CYP2C18: variants seen among roughly 807,000 people sequenced by gnomAD.
The protein encoded by CYP2C18 is cytochrome P450 2C18.
Under a neutral mutation model 41.3 loss-of-function variants are expected in CYP2C18, and 38 were observed. That is an observed-to-expected ratio of 0.92 (90% CI 0.71 to 1.21). The LOEUF is 1.21. Ranked by LOEUF, CYP2C18 falls within the 50% of genes most tolerant of loss-of-function variation. The pLI is 0.00. For synonymous variants in CYP2C18, 236 were observed against 210.0 expected, an observed-to-expected ratio of 1.12 and a Z score of -1.07; for missense variants, 635 against 591.4, an observed-to-expected ratio of 1.07 and a Z score of -0.77.
chr10:94,696,233 G>C (rs1347524283), intron 4 of CYP2C18, among the ~76,000 whole-genome samples: 1 of 152,182 alleles, frequency 6.6e-6, no homozygotes, highest in Non-Finnish European at 1.5e-5. Context: ...GCACACCCCA[G>C]TAGGGGCAGA....
intron 5 of CYP2C18, among the ~76,000 whole-genome samples, chr10:94,709,083 A>G (rs958541299): frequency 5.9e-5 from 9 of 152,170 alleles, no homozygotes; most frequent in African/African-American, 1.9e-4. Context: ...TTGGGTATAT[A>G]CTTGGCTGCA....
chr10:94,729,877 A>C (rs573498881), intron 7 of CYP2C18, among the ~76,000 whole-genome samples: 1 of 152,292 alleles, frequency 6.6e-6, no homozygotes, highest in East Asian at 1.9e-4. Context: ...GCTTCTAAAA[A>C]AACTTTGGTA....
intron 7 of CYP2C18, among the ~76,000 whole-genome samples, 188 bp from the exon 8 acceptor site, chr10:94,733,109 G>A (rs1289932434): frequency 6.6e-6 from 1 of 152,050 alleles, no homozygotes; most frequent in Non-Finnish European, 1.5e-5. Context: ...GGGGACTTCA[G>A]CAAAGTCACT....
intron 8 of CYP2C18, among the ~76,000 whole-genome samples, chr10:94,734,613 A>G (rs1310894723): frequency 6.6e-6 from 1 of 152,158 alleles, no homozygotes; most frequent in Non-Finnish European, 1.5e-5. Context: ...TGTGACAGCA[A>G]GAGATAAAGC....
chr10:94,733,697 C>A, intron 8 of CYP2C18: 1 of 606,210 alleles, frequency 1.6e-6, no homozygotes, highest in Non-Finnish European at 2.1e-6. Context: ...CCTCTAGATA[C>A]ATCACTGAGC....
chr10:94,701,873 A>G (rs1251125527), intron 4 of CYP2C18, among the ~76,000 whole-genome samples: 1 of 152,222 alleles, frequency 6.6e-6, no homozygotes, highest in Non-Finnish European at 1.5e-5. Flanking sequence ...TATAGCTTAG[A>G]GAGTGTCTTC....
chr10:94,684,198 G>A (rs1326768388), intron 1 of CYP2C18, among the ~76,000 whole-genome samples: 1 of 152,090 alleles, frequency 6.6e-6, no homozygotes, highest in East Asian at 1.9e-4. Flanking sequence ...TCTTTGTAGT[G>A]AGAACATTTA....
At chr10:94,724,758 A>AG (rs556486959) in intron 7 of CYP2C18, among the ~76,000 whole-genome samples, 2 of 127,798 alleles carry the variant, frequency 1.6e-5, no homozygotes, top group African/African-American at 5.7e-5. Flanking sequence ...CTTCTTTAGT[A>AG]TTTTTTTTTT....
chr10:94,727,013 C>T (rs901885261), intron 7 of CYP2C18, among the ~76,000 whole-genome samples: 6 of 151,954 alleles, frequency 3.9e-5, no homozygotes, highest in African/African-American at 1.5e-4. Flanking sequence ...CTATTGAGCA[C>T]CGGAAGTGTA....
chr10:94,697,926 G>A (rs1847152153), intron 4 of CYP2C18, among the ~76,000 whole-genome samples: 1 of 152,136 alleles, frequency 6.6e-6, no homozygotes, highest in South Asian at 2.1e-4. Context: ...AACAAGAAGA[G>A]CTAACGATCC....
chr10:94,714,117 T>C (rs1847497025), intron 5 of CYP2C18, among the ~76,000 whole-genome samples: 1 of 152,200 alleles, frequency 6.6e-6, no homozygotes, highest in South Asian at 2.1e-4. Flanking sequence ...TTTTCTCTCA[T>C]TCTTTAGGTT....
chr10:94,696,711 CAAAG>C (rs892352285), intron 4 of CYP2C18, among the ~76,000 whole-genome samples: 1 of 151,840 alleles, frequency 6.6e-6, no homozygotes, highest in African/African-American at 2.4e-5. Flanking sequence ...AAACCCATGG[CAAAG>C]AAGTTAAAAA....
At chr10:94,696,263 G>C (rs1253896703) in intron 4 of CYP2C18, among the ~76,000 whole-genome samples, 1 of 152,086 alleles carries the variant, frequency 6.6e-6, no homozygotes, top group Non-Finnish European at 1.5e-5. Flanking sequence ...CACATGGCTG[G>C]GTACTCCTCT....
Position 94,735,455 on chromosome 10 carries a change from A to G in CYP2C18, c.*11A>G, listed in dbSNP as rs1847905300. 46 of 1,613,042 alleles carry G rather than the reference A, an allele frequency of 2.9e-5. No individual in the cohort carries two copies. The highest frequency in any genetic ancestry group is 3.8e-5 in the Non-Finnish European group (45 of 1,179,234). Reference sequence around the variant, plus strand: ...TTCATTCCTGTCTGAAGAAGGGCAGATAGTTTGGCTGCTCCTGTGCTGTCA... The same window carrying G: ...TTCATTCCTGTCTGAAGAAGGGCAGGTAGTTTGGCTGCTCCTGTGCTGTCA... On this transcript the variant is annotated 3_prime_UTR_variant, in exon 9 of 9. Coordinates refer to ENST00000285979, the MANE Select transcript of CYP2C18 (RefSeq NM_000772.3).
chr10:94,714,680 T>G (rs1748194528), intron 5 of CYP2C18, among the ~76,000 whole-genome samples: 1 of 152,198 alleles, frequency 6.6e-6, no homozygotes, highest in African/African-American at 2.4e-5. Flanking sequence ...TGGTTCCATA[T>G]GAACTTTAAA....
intron 5 of CYP2C18, among the ~76,000 whole-genome samples, chr10:94,714,206 C>T (rs1207297357): frequency 1.3e-5 from 2 of 152,092 alleles, no homozygotes; most frequent in African/African-American, 2.4e-5. Flanking sequence ...TCAATTTTGT[C>T]TTTTGTTGCC....
intron 5 of CYP2C18, among the ~76,000 whole-genome samples, chr10:94,718,344 G>A (rs1847590810): frequency 6.6e-6 from 1 of 151,946 alleles, no homozygotes; most frequent in Non-Finnish European, 1.5e-5. Flanking sequence ...GAGTTTTTTG[G>A]TGATGTGTTT....
chr10:94,694,840 T>C, intron 3 of CYP2C18, 77 bp from the exon 4 acceptor site: 1 of 1,490,202 alleles, frequency 6.7e-7, no homozygotes, highest in East Asian at 2.4e-5. Flanking sequence ...TTTCTAAAAA[T>C]ACTTTTTCCT....
At chr10:94,726,112 C>A (rs1847735966) in intron 7 of CYP2C18, among the ~76,000 whole-genome samples, 1 of 152,010 alleles carries the variant, frequency 6.6e-6, no homozygotes, top group South Asian at 2.1e-4. Flanking sequence ...AGGGTTCATC[C>A]CTCCCATGCT....
Sources: gnomAD v4.1 joint callset for allele counts (sites outside exome capture counted in the v4.1 genomes callset) on GRCh38, gnomAD v4.1.1 for gene constraint, MANE v1.5 for transcripts, NCBI Gene and HGNC (gene_info 2026-07-23, HGNC 2026-07-21) for gene names.